Variants in NOX1 observed in about 807,000 individuals in gnomAD.
The protein encoded by NOX1 is NADH/NADPH mitogenic oxidase subunit P65-MOX.
Under a neutral mutation model 42.5 loss-of-function variants are expected in NOX1, and 34 were observed. That is an observed-to-expected ratio of 0.80 (90% confidence interval 0.61 to 1.07). The LOEUF (loss-of-function observed/expected upper bound fraction) is 1.07. NOX1 is among the 50% of genes least tolerant of loss of function. The pLI, the probability that NOX1 is intolerant of heterozygous loss-of-function variation, is 0.00. For synonymous variants in NOX1, 143 were observed against 152.5 expected (o/e 0.94, Z 0.46); for missense variants, 408 against 427.0 (o/e 0.96, Z 0.39).
chrX:100,861,367 T>C (rs1381641706), intron 7 of NOX1, among the ~76,000 whole-genome samples: 3 of 111,878 alleles, frequency 2.7e-5, no homozygotes, highest in African/African-American at 9.7e-5. Context: ...AACTAAGCTA[T>C]TGCTCTTAAT....
intron 1 of NOX1, among the ~76,000 whole-genome samples, chrX:100,871,504 C>A (rs926926958): frequency 8.9e-6 from 1 of 112,456 alleles, no homozygotes; most frequent in Non-Finnish European, 1.9e-5. Context: ...TTTAATTACA[C>A]CCTGACACAC....
In NOX1 at chrX:100,850,331, C is replaced by T; in HGVS notation, c.953G>A (p.Ser318Asn). 1 of 1,206,766 alleles carries T rather than the reference C, an allele frequency of 8.3e-7. No homozygotes were observed. Among genetic ancestry groups the T allele is most frequent in the South Asian group, 1.8e-5 (1 of 55,858 alleles). Residue 318 changes from serine (S) to asparagine (N), a missense_variant, in exon 9 of 13, where the codon AGC (serine) becomes AAC (asparagine). Coordinates refer to ENST00000372966, the MANE Select transcript of NOX1 (RefSeq NM_007052.5). ...AAAGATATACTGCCCCACTTCCATGCTGAAGCCACGCTTGTTCATCTGCAA... is the reference window on the plus strand; with the variant it reads ...AAAGATATACTGCCCCACTTCCATGTTGAAGCCACGCTTGTTCATCTGCAA... ...LELQMNKRGF[S>N]MEVGQYIFVN... is the part of the protein sequence containing the mutation.
chrX:100,849,542 C>T (rs1446080129), intron 10 of NOX1, 116 bp from the exon 11 acceptor site: 4 of 819,070 alleles, frequency 4.9e-6, no homozygotes, highest in East Asian at 3.4e-5. Flanking sequence ...TCCTTAGGAA[C>T]GAGCCTTCCA....
rs1374876820 is a variant in NOX1 at position 100,843,393 on chromosome X, T to A, written c.*559A>T. 8.7e-7 allele frequency: 1 copy of A among 1,144,848 alleles called. No individual in the cohort carries two copies. Among genetic ancestry groups the A allele is most frequent in the African/African-American group, 1.8e-5 (1 of 54,693 alleles). 94.3% of individuals were successfully genotyped at this position (1,144,848 alleles called of 1,213,427 possible). On this transcript the variant is annotated 3_prime_UTR_variant, in exon 13 of 13. Coordinates refer to ENST00000372966, the MANE Select transcript of NOX1 (RefSeq NM_007052.5). The stretch of plus-strand genomic sequence containing the variant: ...AGAATAAATTGCTGTTCACACTGGA[T>A]AAGACCATATCAAAAGTGACAGTAA...
chrX:100,851,522 A>G (rs1168611883), intron 7 of NOX1, among the ~76,000 whole-genome samples, 197 bp from the exon 8 acceptor site: 1 of 112,467 alleles, frequency 8.9e-6, no homozygotes, highest in East Asian at 2.8e-4. Context: ...TGTTATTCAT[A>G]AAACAGACCA....
At chrX:100,856,280 T>C in intron 7 of NOX1, 1 of 838,905 alleles carries the variant, frequency 1.2e-6, no homozygotes, top group Non-Finnish European at 1.8e-6. Flanking sequence ...CCATCACTCA[T>C]AATGGCTCCT....
At chrX:100,857,092 T>A (rs1034669441) in intron 7 of NOX1, among the ~76,000 whole-genome samples, 1 of 111,857 alleles carries the variant, frequency 8.9e-6, no homozygotes, top group Admixed American at 9.5e-5. Context: ...GCATATGTAC[T>A]CAATGTTTAG....
At chrX:100,859,078 T>C (rs975257276) in intron 7 of NOX1, among the ~76,000 whole-genome samples, 3 of 111,957 alleles carry the variant, frequency 2.7e-5, no homozygotes, top group African/African-American at 9.7e-5. Context: ...TTGTCATAGA[T>C]GGCTCTTGTT....
intron 7 of NOX1, chrX:100,855,934 C>T (rs1297776020): frequency 1.7e-6 from 2 of 1,167,699 alleles, no homozygotes; most frequent in East Asian, 5.9e-5. Context: ...TCAAAAGTTA[C>T]AAAGGCAAAG....
chrX:100,855,426 G>A (rs1020731045), intron 7 of NOX1: 1 of 676,900 alleles, frequency 1.5e-6, no homozygotes. Context: ...TCCCTTCATG[G>A]GTCCAAAATT....
Position 100,862,177 on chromosome X carries a change from G to C in NOX1, c.798C>G (p.Pro266=). 1.7e-6 allele frequency: 2 copies of C among 1,211,653 alleles called. No individual in the cohort carries two copies. Among genetic ancestry groups the C allele is most frequent in the South Asian group, 3.5e-5 (2 of 56,989 alleles). The stretch of plus-strand genomic sequence containing the variant: ...TTGCCCGTAGGGCTCTTACCTCAGG[G>C]GGATGCCCTTCAAACTTAGGGCGCC... ...HCRRPKFEGH[P]PESWKWILAP... The change falls in exon 7 of 13, where the codon CCC becomes CCG. Residue 266 remains proline, a synonymous_variant. Transcript: ENST00000372966.
chrX:100,850,985 G>A (rs1015831230), intron 8 of NOX1, among the ~76,000 whole-genome samples: 1 of 110,682 alleles, frequency 9.0e-6, no homozygotes, highest in African/African-American at 3.3e-5. Flanking sequence ...AATTACAGGT[G>A]GGCACCACCA....
chrX:100,851,436 T>A, intron 7 of NOX1, 111 bp from the exon 8 acceptor site: 1 of 370,325 alleles, frequency 2.7e-6, no homozygotes, highest in Non-Finnish European at 4.6e-6. Context: ...TGTGTATCAT[T>A]TTTAAGCTAC....
chrX:100,869,457 CTGTT>C (rs1475345237), intron 2 of NOX1, among the ~76,000 whole-genome samples: 1 of 107,844 alleles, frequency 9.3e-6, no homozygotes, highest in Admixed American at 1.0e-4. Context: ...ATTTGGCTCT[CTGTT>C]TGTCTGTTGT....
At chrX:100,872,429 C>T (rs935054862) in intron 1 of NOX1, among the ~76,000 whole-genome samples, 4 of 111,777 alleles carry the variant, frequency 3.6e-5, no homozygotes, top group African/African-American at 1.3e-4. Context: ...ATTTCCTCCA[C>T]TATGAACGTC....
intron 7 of NOX1, among the ~76,000 whole-genome samples, chrX:100,853,592 G>A (rs866858556): frequency 1.1e-3 from 82 of 77,485 alleles, no homozygotes; most frequent in South Asian, 0.011. Flanking sequence ...GTAGAGATGG[G>A]GATTCACCAT....
intron 12 of NOX1, among the ~76,000 whole-genome samples, chrX:100,847,801 T>C (rs1220511964): frequency 2.8e-5 from 3 of 109,043 alleles, no homozygotes; most frequent in African/African-American, 1.0e-4. Flanking sequence ...TCAAGAATAT[T>C]TGTAGCATTG....
At chrX:100,849,570 G>A (rs2085098457) in intron 10 of NOX1, 144 bp from the exon 11 acceptor site, 1 of 699,329 alleles carries the variant, frequency 1.4e-6, no homozygotes, top group Non-Finnish European at 2.1e-6. Context: ...TGGTCAGGGT[G>A]ATCTTAAACT....
chrX:100,863,619 C>T (rs753812448), intron 2 of NOX1, 24 bp from the exon 3 acceptor site: 15 of 1,187,502 alleles, frequency 1.3e-5, no homozygotes, highest in Non-Finnish European at 1.7e-5. Context: ...GAAAAAGAGA[C>T]CATCAGCTGC....
Sources: gnomAD v4.1 joint callset for allele counts (sites outside exome capture counted in the v4.1 genomes callset) on GRCh38, gnomAD v4.1.1 for gene constraint, MANE v1.5 for transcripts, NCBI Gene and HGNC (gene_info 2026-07-23, HGNC 2026-07-21) for gene names.